Variants in CAPN8 observed in about 807,000 individuals in gnomAD.
CAPN8 encodes the protein calpain 8, also known as calpain-8.
Under a neutral mutation model 80.9 loss-of-function variants are expected in CAPN8, and 87 were observed. That is an observed-to-expected ratio of 1.07 (90% CI 0.90 to 1.28). The LOEUF is 1.28. Ranked by LOEUF, CAPN8 falls within the 50% of genes most tolerant of loss-of-function variation. The probability of loss-of-function intolerance (pLI) is 0.00; values close to 1 mark genes in which losing one functional copy is unlikely to be tolerated. For missense variants in CAPN8, 757 were observed against 702.0 expected (o/e 1.08, Z -0.89); for synonymous variants, 299 against 273.8 (o/e 1.09, Z -0.91).
In CAPN8 at chr1:223,620,191, C is replaced by A. The variant is rs570906133; in HGVS notation, c.974+1G>T. The A allele has an allele frequency of 1.9e-6, 3 of 1,551,616 alleles. No individual in the cohort carries two copies. Among genetic ancestry groups the A allele is most frequent in the South Asian group, 1.2e-5 (1 of 84,056 alleles). On this transcript the variant is annotated splice_donor_variant, in intron 8 of 20. Coordinates refer to ENST00000366872, the MANE Select transcript of CAPN8 (RefSeq NM_001143962.2). LOFTEE classifies it high-confidence loss of function. Reference sequence around the variant, plus strand: ...AGCGCTTCAGCAGAAAACTCTCTCACCAGAATTCTCCATCCTCAACTTTCT... The same window carrying A: ...AGCGCTTCAGCAGAAAACTCTCTCAACAGAATTCTCCATCCTCAACTTTCT...
At chr1:223,615,784 GAATGAATCTCTA>G in intron 10 of CAPN8, 174 bp downstream of exon 10, 1 of 725,314 alleles carries the variant, frequency 1.4e-6, no homozygotes, top group East Asian at 2.7e-5. Context: ...TAAGCCATAG[GAATGAATCTCTA>G]AATGTGGAAT....
chr1:223,628,239 T>G (rs1657658821), intron 3 of CAPN8, 97 bp from the exon 4 acceptor site: 2 of 1,373,712 alleles, frequency 1.5e-6, no homozygotes, highest in East Asian at 5.1e-5. Flanking sequence ...GTGCCATCAG[T>G]GTTCGAGTCT....
Position 223,551,225 on chromosome 1 carries a change from C to T in CAPN8, c.1642-208G>A, listed in dbSNP as rs533522294. Among the ~76,000 whole-genome samples, 4 of 152,324 alleles carry T rather than the reference C, an allele frequency of 2.6e-5. No homozygotes were observed. The South Asian group carries it at 8.3e-4, about 32-fold the overall frequency. On this transcript the variant is annotated intron_variant, in intron 14 of 20. Transcript: ENST00000366872. ...TGCCGCAATCTCTGCTCACTGCAACCTCCATTTCCCAGGCTCAAGCAATTC... is the reference window on the plus strand; with the variant it reads ...TGCCGCAATCTCTGCTCACTGCAACTTCCATTTCCCAGGCTCAAGCAATTC...
rs539932456 is a variant in CAPN8 at position 223,654,890 on chromosome 1, C to G, written c.238-491G>C. Among the ~76,000 whole-genome samples, 26 of 141,336 alleles carry G rather than the reference C, an allele frequency of 1.8e-4. 1 individual carries two copies. The highest frequency in any genetic ancestry group is 1.6e-3 in the Admixed American group (21 of 13,406). 92.7% of individuals were successfully genotyped at this position (141,336 alleles called of 152,430 possible). On this transcript the variant is annotated intron_variant, in intron 1 of 20. Transcript: ENST00000366872. ...TATTTTTAGTAGGGATGGGGTTTCA[C>G]CATGTTGGCCAGGCTGATGTTGAAC...
At position 223,623,053 on chromosome 1, in the gene CAPN8, G is replaced by A. The variant is rs560125428; in HGVS notation, c.814-153C>T. ...CTTTAATGCATCTTTTCAGGCTTGG[G>A]CCAAGTGTTTTCATAATTTGTTTGA... On this transcript the variant is annotated intron_variant, in intron 6 of 20. Coordinates refer to ENST00000366872, the MANE Select transcript of CAPN8 (RefSeq NM_001143962.2). Among the ~76,000 whole-genome samples the A allele has an allele frequency of 3.6e-4, 55 of 152,324 alleles. 1 individual carries two copies. In the South Asian group the frequency reaches 4.6e-3, roughly 13 times the overall value.
chr1:223,621,252 T>C (rs1442823667), intron 7 of CAPN8, among the ~76,000 whole-genome samples: 1 of 151,706 alleles, frequency 6.6e-6, no homozygotes, highest in Middle Eastern at 3.2e-3. Context: ...ACTTTTTTTT[T>C]TTTTTTTTAA....
chr1:223,656,693 T>G (rs958801252), intron 1 of CAPN8, among the ~76,000 whole-genome samples: 13 of 144,544 alleles, frequency 9.0e-5, no homozygotes, highest in African/African-American at 3.3e-4. Context: ...TTTTTTTTTT[T>G]TTTTTTTTGA....
intron 6 of CAPN8, among the ~76,000 whole-genome samples, chr1:223,624,803 A>C (rs1657513970): frequency 6.6e-6 from 1 of 151,550 alleles, no homozygotes; most frequent in South Asian, 2.1e-4. Flanking sequence ...GGAAATAAAA[A>C]TAATGAATAG....
intron 1 of CAPN8, among the ~76,000 whole-genome samples, chr1:223,663,179 C>A (rs572004507): frequency 6.6e-6 from 1 of 152,196 alleles, no homozygotes; most frequent in East Asian, 1.9e-4. Flanking sequence ...CTACAATTAC[C>A]GCATTTCCAC....
At chr1:223,657,603 C>T (rs189659318) in intron 1 of CAPN8, among the ~76,000 whole-genome samples, 1 of 152,208 alleles carries the variant, frequency 6.6e-6, no homozygotes, top group African/African-American at 2.4e-5. Context: ...CCTGTCTCTA[C>T]TAAAAATACA....
At chr1:223,551,873 CCCA>C (rs1656794593) in intron 14 of CAPN8, among the ~76,000 whole-genome samples, 1 of 152,214 alleles carries the variant, frequency 6.6e-6, no homozygotes, top group African/African-American at 2.4e-5. Flanking sequence ...GCCGGCTTTC[CCCA>C]CCACACCTAC....
intron 10 of CAPN8, 80 bp downstream of exon 10, chr1:223,615,890 A>T (rs1294462592): frequency 2.7e-6 from 4 of 1,491,878 alleles, no homozygotes; most frequent in African/African-American, 1.4e-5. Context: ...AATAGGAAAG[A>T]TGTGCTACAA....
In CAPN8 at chr1:223,555,140, C is replaced by T. The variant is rs1055470346; in HGVS notation, c.1573-1240G>A. 1.5e-4 allele frequency among the ~76,000 whole-genome samples: 23 copies of T among 152,322 alleles called. No homozygotes were observed. In the East Asian group the frequency reaches 1.7e-3, roughly 11 times the overall value. ...TACTTACTACCTGTCAGGTACTTTG[C>T]GTGGATTATTTCATTTAATATTCAC... On this transcript the variant is annotated intron_variant, in intron 13 of 20. Transcript: ENST00000366872.
At chr1:223,662,852 T>C (rs4653523) in intron 1 of CAPN8, among the ~76,000 whole-genome samples, 25,067 of 152,178 alleles carry the variant, frequency 0.16, 2,635 homozygotes, top group East Asian at 0.29. Flanking sequence ...ATGTTCCTCA[T>C]AGAGATAGGA....
chr1:223,632,010 G>A lies in CAPN8; in HGVS notation c.308-3230C>T, dbSNP rs1196145660. ...GCACTCCCTAGATATTACAATTCAA[G>A]TCACGGCAACAAAATGTCCCTCCGT... On this transcript the variant is annotated intron_variant, in intron 2 of 20. Transcript: ENST00000366872. 7.4e-5 allele frequency among the ~76,000 whole-genome samples: 6 copies of A among 80,984 alleles called. No homozygotes were observed. The East Asian group carries it at 1.8e-3, about 25-fold the overall frequency. The allele number at this position is 80,984 out of a possible 152,430, so 53.1% of individuals were successfully genotyped here.
At chr1:223,614,991 G>T (rs140130378) in intron 10 of CAPN8, among the ~76,000 whole-genome samples, 1 of 152,140 alleles carries the variant, frequency 6.6e-6, no homozygotes, top group Non-Finnish European at 1.5e-5. Flanking sequence ...AAATATACTC[G>T]CATGCTCGTG....
Position 223,664,941 on chromosome 1 carries a change from A to G in CAPN8, c.237+469T>C, listed in dbSNP as rs546566192. Among the ~76,000 whole-genome samples the G allele has an allele frequency of 2.6e-5, 4 of 151,990 alleles. No individual in the cohort carries two copies. In the East Asian group the frequency reaches 7.7e-4, roughly 29 times the overall value. Reference sequence around the variant, plus strand: ...GGTGACAGAGTGAGACTCTGCCTCAAAAAAAATAAGAGTTCAAAAGGTGAT... The same window carrying G: ...GGTGACAGAGTGAGACTCTGCCTCAGAAAAAATAAGAGTTCAAAAGGTGAT... On this transcript the variant is annotated intron_variant, in intron 1 of 20. Transcript: ENST00000366872.
At chr1:223,621,650 C>T (rs1657396314) in intron 7 of CAPN8, among the ~76,000 whole-genome samples, 1 of 152,128 alleles carries the variant, frequency 6.6e-6, no homozygotes, top group Non-Finnish European at 1.5e-5. Context: ...CGTGTTTCTT[C>T]GTGACACAAC....
At position 223,609,166 on chromosome 1, in the gene CAPN8, T is replaced by C; in HGVS notation, c.1522A>G (p.Lys508Glu). 2.5e-6 allele frequency: 1 copy of C among 398,352 alleles called. No individual in the cohort carries two copies. The highest frequency in any genetic ancestry group is 4.4e-6 in the Non-Finnish European group (1 of 226,058). 24.7% of individuals were successfully genotyped at this position (398,352 alleles called of 1,614,324 possible). A position where few individuals can be genotyped will look rare whatever the true frequency, so the allele number is the denominator to read the frequency against. The change falls in exon 12 of 21, where the codon AAG becomes GAG. Residue 508 changes from lysine (K) to glutamate (E), a missense_variant. Physicochemically the swap from Lys to Glu is moderately conservative, Grantham distance 56. Transcript: ENST00000366872. Reference protein sequence around the residue: ...EFCLRVFSEKKAQALEIGDVV... With the variant: ...EFCLRVFSEKEAQALEIGDVV... The stretch of plus-strand genomic sequence containing the variant: ...AAGGAGACGCACAGGGCCTGGGCCT[T>C]CTTCTCTGAGAACACTCTCAAGCAG...
Sources: gnomAD v4.1 joint callset for allele counts (sites outside exome capture counted in the v4.1 genomes callset) on GRCh38, gnomAD v4.1.1 for gene constraint, MANE v1.5 for transcripts, NCBI Gene and HGNC (gene_info 2026-07-23, HGNC 2026-07-21) for gene names.